ANAPC7: variants seen among roughly 807,000 people sequenced by gnomAD.
ANAPC7 encodes anaphase promoting complex subunit 7, also known as anaphase-promoting complex subunit 7.
In ANAPC7, 25 loss-of-function variants were observed where a neutral mutation model predicts 63.3. The ratio of observed to expected loss-of-function variants is 0.39; its 90% CI spans 0.29 to 0.55. The LOEUF (loss-of-function observed/expected upper bound fraction) is 0.55. ANAPC7 is among the 20% of genes least tolerant of loss of function. The probability of loss-of-function intolerance (pLI) is 0.57; values close to 1 mark genes in which losing one functional copy is unlikely to be tolerated. For missense variants in ANAPC7, 516 were observed against 691.7 expected, an observed-to-expected ratio of 0.75 and a Z score of 2.85; for synonymous variants, 241 against 251.7, an observed-to-expected ratio of 0.96 and a Z score of 0.40.
intron 6 of ANAPC7, among the ~76,000 whole-genome samples, chr12:110,383,862 C>G (rs375718605): frequency 1.6e-4 from 17 of 109,130 alleles, no homozygotes; most frequent in Middle Eastern, 0.02. Flanking sequence ...GGCTACAGAG[C>G]GAGACTCCGT....
At chr12:110,392,092 C>CAAAAAAAAAAAAAAAAAA (rs1283316509) in intron 3 of ANAPC7, among the ~76,000 whole-genome samples, 2 of 14,858 alleles carry the variant, frequency 1.3e-4, no homozygotes, top group African/African-American at 6.4e-4. Flanking sequence ...CTCCACCTCA[C>CAAAAAAAAAAAAAAAAAA]AAAAAAAAAA....
intron 10 of ANAPC7, among the ~76,000 whole-genome samples, chr12:110,374,811 G>C (rs540671531): frequency 1.3e-5 from 2 of 152,044 alleles, no homozygotes; most frequent in African/African-American, 4.8e-5. Context: ...AAAACATCAC[G>C]CTGTACCATG....
chr12:110,391,964 C>T (rs542842052), intron 3 of ANAPC7, among the ~76,000 whole-genome samples: 17 of 152,040 alleles, frequency 1.1e-4, no homozygotes, highest in African/African-American at 2.4e-4. Flanking sequence ...TGGTGGCACA[C>T]GCCTGTAGTC....
Position 110,377,484 on chromosome 12 carries a change from C to A in ANAPC7, c.1266G>T (p.Val422=). ...ATAATGTTTTGGCTTTCTCCTGTGTCACTGGGTCTTCAAGACAAACGGTGG... is the reference window on the plus strand; with the variant it reads ...ATAATGTTTTGGCTTTCTCCTGTGTAACTGGGTCTTCAAGACAAACGGTGG... ...LLATVCLEDP[V]TQEKAKTLLD... The change falls in exon 9 of 11, where the codon GTG becomes GTT. Residue 422 remains valine (V), a synonymous_variant. Coordinates refer to ENST00000455511, the MANE Select transcript of ANAPC7 (RefSeq NM_016238.3). 10 of 1,614,188 alleles carry A rather than the reference C, an allele frequency of 6.2e-6. No individual in the cohort carries two copies. The highest frequency in any genetic ancestry group is 8.5e-6 in the Non-Finnish European group (10 of 1,180,026).
chr12:110,394,974 G>A (rs886945213), intron 3 of ANAPC7, 127 bp downstream of exon 3: 22 of 1,170,786 alleles, frequency 1.9e-5, no homozygotes, highest in Non-Finnish European at 2.3e-5. Context: ...TCCATGAAGA[G>A]GAAGAAAATG....
At chr12:110,398,003 T>C (rs1289793546) in intron 1 of ANAPC7, among the ~76,000 whole-genome samples, 1 of 152,206 alleles carries the variant, frequency 6.6e-6, no homozygotes, top group Non-Finnish European at 1.5e-5. Flanking sequence ...CCGAGCACTT[T>C]GGGAGGCCGA....
chr12:110,403,590 G>A lies in ANAPC7; in HGVS notation c.38C>T (p.Ala13Val), dbSNP rs377477700. 27 of 1,608,266 alleles carry A rather than the reference G, an allele frequency of 1.7e-5. No individual in the cohort carries two copies. Among genetic ancestry groups the A allele is most frequent in the Non-Finnish European group, 2.2e-5 (26 of 1,177,892 alleles). Residue 13 changes from alanine (A) to valine (V), a missense_variant, in exon 1 of 11, where the codon GCG (alanine) becomes GTG (valine). Ala to Val is a moderately conservative substitution (Grantham distance 64). Transcript: ENST00000455511. ...GAGCCGCACGTTGGAGTGCAGCCCC[G>A]CGGCCGCCATGTCCCGCACGTGGTC... The part of the protein sequence containing the change: ...VIDHVRDMAA[A>V]GLHSNVRLLS...
intron 10 of ANAPC7, among the ~76,000 whole-genome samples, chr12:110,375,297 T>C (rs1372233491): frequency 1.3e-5 from 2 of 152,204 alleles, no homozygotes; most frequent in Non-Finnish European, 2.9e-5. Flanking sequence ...CCAGTCTGCA[T>C]GTCTGAGACT....
chr12:110,381,111 AT>A (rs1881803657), intron 8 of ANAPC7, among the ~76,000 whole-genome samples: 1 of 152,034 alleles, frequency 6.6e-6, no homozygotes, highest in Non-Finnish European at 1.5e-5. Flanking sequence ...CAGAAAAAAA[AT>A]CAGAAAAAAT....
At chr12:110,376,310 A>C (rs964763916) in intron 9 of ANAPC7, 94 bp from the exon 10 acceptor site, 2 of 1,430,522 alleles carry the variant, frequency 1.4e-6, no homozygotes, top group Non-Finnish European at 1.9e-6. Flanking sequence ...TCAAGAGAAC[A>C]CTGGTGCAAC....
At chr12:110,385,139 C>T (rs1287837260) in intron 6 of ANAPC7, among the ~76,000 whole-genome samples, 2 of 151,918 alleles carry the variant, frequency 1.3e-5, no homozygotes, top group African/African-American at 4.8e-5. Context: ...TGGTGGCGGG[C>T]GCCTATAATC....
intron 8 of ANAPC7, chr12:110,378,075 G>A (rs1381722949): frequency 6.1e-6 from 1 of 163,276 alleles, no homozygotes; most frequent in African/African-American, 2.4e-5. Flanking sequence ...TAAGATGGAA[G>A]ACTCCTAGGG....
At chr12:110,384,989 T>A (rs1293257932) in intron 6 of ANAPC7, among the ~76,000 whole-genome samples, 2 of 152,120 alleles carry the variant, frequency 1.3e-5, no homozygotes, top group African/African-American at 4.8e-5. Context: ...TCGGGCTGGG[T>A]GCAGTGGCTC....
At position 110,387,807 on chromosome 12, in the gene ANAPC7, G is replaced by C; in HGVS notation, c.606C>G (p.Leu202=). The change falls in exon 5 of 11, where the codon CTC becomes CTG. Residue 202 remains leucine, a synonymous_variant. Transcript: ENST00000455511. ...VIQTVPNLDW[L]SVWIKAYAFV... is the part of the protein sequence containing the mutation. ...AAGCATACGCTTTGATCCACACAGA[G>C]AGCCAGTCCAAGTTAGGCACGGTTT... 3.7e-6 allele frequency: 6 copies of C among 1,614,158 alleles called. No individual in the cohort carries two copies. Among genetic ancestry groups the C allele is most frequent in the South Asian group, 1.1e-5 (1 of 91,084 alleles).
intron 3 of ANAPC7, among the ~76,000 whole-genome samples, chr12:110,393,495 A>AG (rs1883278696): frequency 1.3e-5 from 2 of 152,030 alleles, no homozygotes; most frequent in Admixed American, 6.6e-5. Context: ...TGGGAGGCTA[A>AG]GGGGGGAGGA....
intron 1 of ANAPC7, among the ~76,000 whole-genome samples, chr12:110,401,936 G>A (rs1456481562): frequency 7.5e-6 from 1 of 132,998 alleles, no homozygotes; most frequent in Non-Finnish European, 1.5e-5. Flanking sequence ...ATCGTGCAGA[G>A]CGAGACTCCG....
At chr12:110,376,969 AT>A (rs1320317479) in intron 9 of ANAPC7, among the ~76,000 whole-genome samples, 1 of 151,504 alleles carries the variant, frequency 6.6e-6, no homozygotes, top group African/African-American at 2.4e-5. Flanking sequence ...ATAAAAAAAA[AT>A]AATAAAAAAT....
chr12:110,374,285 C>G lies in ANAPC7; in HGVS notation c.1557G>C (p.Glu519Asp), dbSNP rs1029561095. 3.1e-6 allele frequency: 5 copies of G among 1,614,086 alleles called. No individual in the cohort carries two copies. Among genetic ancestry groups the G allele is most frequent in the Non-Finnish European group, 4.2e-6 (5 of 1,180,044 alleles). Residue 519 changes from glutamate (E) to aspartate (D), a missense_variant, in exon 11 of 11, where the codon GAG (glutamate) becomes GAC (aspartate). Around this residue, in one of 4 missense-constraint regions of ANAPC7, gnomAD observed 122 missense variants for 212.0 expected, o/e 0.58. Transcript: ENST00000455511. ...QKSLEGMQKMEKEESPTDATQ... is the reference protein window; with the variant it reads ...QKSLEGMQKMDKEESPTDATQ... The stretch of plus-strand genomic sequence containing the variant: ...TGGCATCCGTGGGACTCTCCTCCTT[C>G]TCCATCTTCTGCATCCCCTCTAGAG...
intron 10 of ANAPC7, chr12:110,375,701 A>C (rs1881201966): frequency 1.0e-6 from 1 of 956,334 alleles, no homozygotes; most frequent in South Asian, 4.9e-5. Context: ...AGTAGATAGA[A>C]ACATGGGAAA....
Sources: gnomAD v4.1 joint callset for allele counts (sites outside exome capture counted in the v4.1 genomes callset) on GRCh38, gnomAD v4.1.1 for gene constraint, gnomAD v4.1.1 regional missense constraint, MANE v1.5 for transcripts, NCBI Gene and HGNC (gene_info 2026-07-23, HGNC 2026-07-21) for gene names.